The following MAGI2 variants were observed in gnomAD, a reference collection of about 807,000 sequenced individuals.
The protein encoded by MAGI2 is membrane-associated guanylate kinase, WW and PDZ domain-containing protein 2.
Under a neutral mutation model 133.3 loss-of-function variants are expected in MAGI2, and 35 were observed. The observed-to-expected ratio is 0.26, with a 90% CI of 0.20 to 0.35. The LOEUF is 0.35. Among genes scored for constraint, MAGI2 ranks in the 10% least tolerant of loss-of-function variants. MAGI2 has a pLI of 1.00. For missense variants in MAGI2, 1,636 were observed against 1,863.4 expected, an observed-to-expected ratio of 0.88 and a Z score of 2.25; for synonymous variants, 729 against 710.6, an observed-to-expected ratio of 1.03 and a Z score of -0.41.
intron 10 of MAGI2, among the ~76,000 whole-genome samples, chr7:78,236,240 G>T (rs1254092263): frequency 6.6e-6 from 1 of 152,076 alleles, no homozygotes; most frequent in African/African-American, 2.4e-5. Flanking sequence ...AGAGGAGGAA[G>T]ATAGACAAAT....
intron 6 of MAGI2, among the ~76,000 whole-genome samples, chr7:78,390,903 C>G (rs1234396959): frequency 1.3e-5 from 2 of 152,080 alleles, no homozygotes; most frequent in East Asian, 3.9e-4. Context: ...CTCAAGACAA[C>G]TCAGTGAATG....
chr7:79,176,342 T>C (rs1439271090), intron 1 of MAGI2, among the ~76,000 whole-genome samples: 1 of 151,976 alleles, frequency 6.6e-6, no homozygotes, highest in Non-Finnish European at 1.5e-5. Context: ...TTAGGAGGAC[T>C]CAAGGACCAT....
At position 78,312,499 on chromosome 7, in the gene MAGI2, GA is replaced by G. The variant is rs545771123; in HGVS notation, c.1408+31278del. Among the ~76,000 whole-genome samples the G allele has an allele frequency of 2.5e-4, 38 of 152,118 alleles. No homozygotes were observed. In the South Asian group the frequency reaches 4.8e-3, roughly 19 times the overall value. Reference sequence around the variant, plus strand: ...GCATCTGACAAGGGACTAATATCCAGAATCTACAAGGAACTCAAACAACTCC... The same window carrying G: ...GCATCTGACAAGGGACTAATATCCAGATCTACAAGGAACTCAAACAACTCC... On this transcript the variant is annotated intron_variant, in intron 9 of 21. Coordinates refer to ENST00000354212, the MANE Select transcript of MAGI2 (RefSeq NM_012301.4).
At chr7:78,296,487 T>C (rs988594204) in intron 9 of MAGI2, among the ~76,000 whole-genome samples, 2 of 152,188 alleles carry the variant, frequency 1.3e-5, no homozygotes, top group African/African-American at 2.4e-5. Flanking sequence ...TTAGCACTTC[T>C]GACATAATAT....
intron 3 of MAGI2, among the ~76,000 whole-genome samples, chr7:78,565,240 T>A (rs906381706): frequency 6.6e-6 from 1 of 151,924 alleles, no homozygotes; most frequent in East Asian, 1.9e-4. Flanking sequence ...GGCAGGAGGA[T>A]CACTTGAGGC....
At chr7:79,158,232 T>C (rs1216653540) in intron 1 of MAGI2, among the ~76,000 whole-genome samples, 2 of 152,010 alleles carry the variant, frequency 1.3e-5, no homozygotes, top group African/African-American at 4.8e-5. Flanking sequence ...AATCATAACA[T>C]GTACTTCTAT....
chr7:79,130,084 T>C (rs977414448), intron 1 of MAGI2, among the ~76,000 whole-genome samples: 3 of 150,562 alleles, frequency 2.0e-5, no homozygotes, highest in African/African-American at 7.3e-5. Flanking sequence ...GAGGATCAGT[T>C]GAAGCCAGGA....
chr7:78,848,880 T>C (rs949518492), intron 2 of MAGI2, among the ~76,000 whole-genome samples: 1 of 152,084 alleles, frequency 6.6e-6, no homozygotes, highest in Non-Finnish European at 1.5e-5. Context: ...AAATCACTTA[T>C]GTATTTGTTT....
rs981961344 is a variant in MAGI2, at chr7:78,501,711, G to A, written c.831C>T (p.Tyr277=). 11 of 1,613,948 alleles carry A rather than the reference G, an allele frequency of 6.8e-6. No individual in the cohort carries two copies. Among genetic ancestry groups the A allele is most frequent in the African/African-American group, 1.3e-5 (1 of 74,884 alleles). Residue 277 remains tyrosine (Y), a synonymous_variant, in exon 5 of 22, where the codon TAC becomes TAT. Coordinates refer to ENST00000354212, the MANE Select transcript of MAGI2 (RefSeq NM_012301.4). ...MPSQPYPAPV[Y]SQPEELKEQM... Reference sequence around the variant, plus strand: ...GCTCCTTCAGCTCCTCAGGCTGACTGTACACTGGTGCAGGATAAGGCTGGG... The same window carrying A: ...GCTCCTTCAGCTCCTCAGGCTGACTATACACTGGTGCAGGATAAGGCTGGG...
At chr7:78,503,674 T>A (rs1794846404) in intron 4 of MAGI2, among the ~76,000 whole-genome samples, 1 of 123,530 alleles carries the variant, frequency 8.1e-6, no homozygotes, top group Non-Finnish European at 1.7e-5. Flanking sequence ...TCTCTCACCC[T>A]CCCCTGTCCT....
chr7:79,327,084 T>A (rs1164429979), intron 1 of MAGI2, among the ~76,000 whole-genome samples: 1 of 152,112 alleles, frequency 6.6e-6, no homozygotes, highest in Non-Finnish European at 1.5e-5. Flanking sequence ...TCTGGAGCCA[T>A]ACTTGGTGGG....
In MAGI2 at chr7:79,263,843, T is replaced by C. The variant is rs184715882; in HGVS notation, c.301+189177A>G. On this transcript the variant is annotated intron_variant, in intron 1 of 21. Coordinates refer to ENST00000354212, the MANE Select transcript of MAGI2 (RefSeq NM_012301.4). ...GCCATATGAGATGTAGGAAATTACA[T>C]TGATATTTTGTGTTTAGAGATTTAA... is the stretch of plus-strand genomic sequence containing the variant. Among the ~76,000 whole-genome samples the C allele has an allele frequency of 2.8e-4, 42 of 152,310 alleles. 1 individual carries two copies. The highest frequency in any genetic ancestry group is 8.4e-4 in the African/African-American group (35 of 41,580).
At chr7:79,363,807 A>T (rs1186031962) in intron 1 of MAGI2, among the ~76,000 whole-genome samples, 3 of 151,898 alleles carry the variant, frequency 2.0e-5, no homozygotes. Flanking sequence ...TTTGCAAGCC[A>T]TACATCTGAT....
chr7:79,136,044 A>AGAAAGAAAGAAAGAAAGAAAGAAAGAAG (rs1562929042), intron 1 of MAGI2, among the ~76,000 whole-genome samples: 3 of 136,992 alleles, frequency 2.2e-5, no homozygotes, highest in African/African-American at 9.6e-5. Flanking sequence ...AAAGAAAGAA[A>AGAAAGAAAGAAAGAAAGAAAGAAAGAAG]GAAGGAAAGA....
chr7:78,596,419 T>C (rs1487735551), intron 3 of MAGI2, among the ~76,000 whole-genome samples: 2 of 152,178 alleles, frequency 1.3e-5, no homozygotes, highest in Non-Finnish European at 2.9e-5. Context: ...CCCAAGAGCT[T>C]CTATCCTGAA....
At position 79,347,763 on chromosome 7, in the gene MAGI2, A is replaced by T. The variant is rs1330097690; in HGVS notation, c.301+105257T>A. ...GAAAAGTCCAAGAAACATGAATAATAAAAGCATGGATAAAACTTAAGTACA... is the reference window on the plus strand; with the variant it reads ...GAAAAGTCCAAGAAACATGAATAATTAAAGCATGGATAAAACTTAAGTACA... On this transcript the variant is annotated intron_variant, in intron 1 of 21. Transcript: ENST00000354212. 1.6e-4 allele frequency among the ~76,000 whole-genome samples: 25 copies of T among 151,982 alleles called. 1 individual carries two copies. Among genetic ancestry groups the T allele is most frequent in the Admixed American group, 1.6e-3 (25 of 15,228 alleles).
At chr7:78,144,111 T>C (rs575972826) in intron 16 of MAGI2, among the ~76,000 whole-genome samples, 78 of 152,256 alleles carry the variant, frequency 5.1e-4, no homozygotes, top group African/African-American at 1.8e-3. Flanking sequence ...AAGAGCTCTA[T>C]GAGAAGTGTT....
At chr7:79,235,112 C>G (rs1448701340) in intron 1 of MAGI2, among the ~76,000 whole-genome samples, 2 of 151,640 alleles carry the variant, frequency 1.3e-5, no homozygotes, top group Non-Finnish European at 3.0e-5. Context: ...GCTCGGGGGT[C>G]AGGGGTCAGG....
intron 7 of MAGI2, among the ~76,000 whole-genome samples, chr7:78,354,727 A>G (rs567143698): frequency 3.9e-5 from 6 of 152,220 alleles, no homozygotes; most frequent in Non-Finnish European, 8.8e-5. Flanking sequence ...TTCCTTTTAT[A>G]TGCTAGAATG....
Sources: allele counts gnomAD v4.1 joint callset (sites outside exome capture counted in the v4.1 genomes callset), GRCh38; gene constraint gnomAD v4.1.1; transcripts MANE v1.5; gene names NCBI Gene and HGNC (gene_info 2026-07-23, HGNC 2026-07-21).